Variants in CDC42EP4 observed in about 807,000 individuals in gnomAD.
CDC42EP4 encodes CDC42 effector protein 4.
In CDC42EP4, 6 loss-of-function variants were observed where a neutral mutation model predicts 5.6. The observed-to-expected ratio is 1.07, with a 90% CI of 0.59 to 2.12. The LOEUF (loss-of-function observed/expected upper bound fraction) is 2.12, where lower values mean the gene tolerates loss of function less well. Ranked by LOEUF, CDC42EP4 falls within the 30% of genes most tolerant of loss-of-function variation. CDC42EP4 has a pLI of 0.00. For missense variants in CDC42EP4, 490 were observed against 508.6 expected (o/e 0.96, Z 0.35); for synonymous variants, 230 against 224.2 (o/e 1.03, Z -0.23).
chr17:73,286,365 C>T lies in CDC42EP4; in HGVS notation c.136G>A (p.Ala46Thr), dbSNP rs758557269. The change falls in exon 2 of 2, where the codon GCC (alanine) becomes ACC (threonine). Residue 46 changes from alanine (A) to threonine (T), a missense_variant. Ala to Thr is a moderately conservative substitution (Grantham distance 58, BLOSUM62 0). Transcript: ENST00000335793. The surrounding 1 kb of genome is among the most constrained non-coding windows in gnomAD (Gnocchi z 7.7). ...TTGAGGAAGGAGGTGTCCCCAAAGG[C>T]GTCTCCGGCCCGGCCAACGTGCATG... ...HTMHVGRAGD[A>T]FGDTSFLNSK... 2.2e-5 allele frequency: 35 copies of T among 1,613,998 alleles called. No homozygotes were observed. Among genetic ancestry groups the T allele is most frequent in the East Asian group, 2.2e-5 (1 of 44,894 alleles).
rs766095705 is a variant in CDC42EP4, at chr17:73,285,433, C to T, written c.1068G>A (p.Val356=). 1 of 1,546,930 alleles carries T rather than the reference C, an allele frequency of 6.5e-7. No homozygotes were observed. The change falls in exon 2 of 2, where the codon GTG becomes GTA. Residue 356 remains valine (V), a synonymous_variant. Coordinates refer to ENST00000335793, the MANE Select transcript of CDC42EP4 (RefSeq NM_012121.5). This position sits in a 1 kb window ranked among gnomAD's most constrained non-coding sequence, Gnocchi z 6.8. ...CGGTGGCCACCCACTGTCCGCCTCA[C>T]ACACGGATTTCATCCTCCTCCTCCT... ...MDEEEEDEIR[V]
In CDC42EP4 at chr17:73,285,972, G is replaced by A. The variant is rs922062899; in HGVS notation, c.529C>T (p.Pro177Ser). The change falls in exon 2 of 2, where the codon CCC becomes TCC. Residue 177 changes from proline to serine, a missense_variant. By Grantham distance (74) the Pro-to-Ser change is moderately conservative (BLOSUM62 -1). Transcript: ENST00000335793. The surrounding 1 kb of genome is among the most constrained non-coding windows in gnomAD (Gnocchi z 6.8). ...NGAAGPHSPD[P>S]LLDEQAFGDL... ...CCAAAGGCCTGCTCATCGAGGAGGG[G>A]GTCAGGGGAATGTGGACCCGCGGCC... is the stretch of plus-strand genomic sequence containing the variant. The A allele has an allele frequency of 3.1e-6, 5 of 1,613,514 alleles. No homozygotes were observed. Among genetic ancestry groups the A allele is most frequent in the Non-Finnish European group, 4.2e-6 (5 of 1,179,922 alleles).
In CDC42EP4 at chr17:73,297,309, A is replaced by AAC. The variant is rs1297708487; in HGVS notation, c.-112-10699_-112-10698dup. ...GACTTCGTCTCCAAAAAAAAAAAAA[A>AAC]ACACACACACACAAATTAGCCAGGT... On this transcript the variant is annotated intron_variant, in intron 1 of 1. Coordinates refer to ENST00000335793, the MANE Select transcript of CDC42EP4 (RefSeq NM_012121.5). 7.1e-4 allele frequency among the ~76,000 whole-genome samples: 105 copies of AAC among 148,798 alleles called. No homozygotes were observed. In the Middle Eastern group the frequency reaches 0.014, roughly 20 times the overall value.
intron 1 of CDC42EP4, among the ~76,000 whole-genome samples, chr17:73,297,062 G>A (rs1389688235): frequency 2.7e-5 from 4 of 150,276 alleles, no homozygotes; most frequent in African/African-American, 9.8e-5. Flanking sequence ...GGGAGGCCGA[G>A]GTGGGCAGAT....
intron 1 of CDC42EP4, among the ~76,000 whole-genome samples, chr17:73,290,552 C>T (rs2062156458): frequency 6.6e-6 from 1 of 152,206 alleles, no homozygotes; most frequent in Non-Finnish European, 1.5e-5. Flanking sequence ...AGCATCCACC[C>T]CCCAGTCACA....
At chr17:73,299,328 G>A (rs979557572) in intron 1 of CDC42EP4, among the ~76,000 whole-genome samples, 15 of 151,614 alleles carry the variant, frequency 9.9e-5, no homozygotes, top group African/African-American at 3.6e-4. Flanking sequence ...TACTCGGGAG[G>A]TTGAGGCAGG....
In CDC42EP4 at chr17:73,289,521, C is replaced by T. The variant is rs374235454; in HGVS notation, c.-112-2909G>A. Among the ~76,000 whole-genome samples, 163 of 151,844 alleles carry T rather than the reference C, an allele frequency of 1.1e-3. No homozygotes were observed. In the South Asian group the frequency reaches 0.015, roughly 14 times the overall value. On this transcript the variant is annotated intron_variant, in intron 1 of 1. Coordinates refer to ENST00000335793, the MANE Select transcript of CDC42EP4 (RefSeq NM_012121.5). The stretch of plus-strand genomic sequence containing the variant: ...CCCACGCATCCTCATGCAGCTCTTC[C>T]GTTTGGCTGTTCCTGAGTCGTATCT...
intron 1 of CDC42EP4, among the ~76,000 whole-genome samples, chr17:73,308,801 G>A (rs944279932): frequency 1.4e-4 from 21 of 152,062 alleles, no homozygotes; most frequent in Admixed American, 5.9e-4. Flanking sequence ...TGGGGAGGCC[G>A]AGGTGGGTGG....
chr17:73,298,787 CTCAT>C (rs1434415983), intron 1 of CDC42EP4, among the ~76,000 whole-genome samples: 3 of 152,214 alleles, frequency 2.0e-5, no homozygotes, highest in Admixed American at 6.5e-5. Context: ...TTCAACAGTT[CTCAT>C]TCACTGGGCT....
chr17:73,311,755 C>G (rs2062276355), intron 1 of CDC42EP4, 138 bp downstream of exon 1: 3 of 152,340 alleles, frequency 2.0e-5, no homozygotes, highest in Admixed American at 2.0e-4. Context: ...GCTCCGCGCC[C>G]TTCTCCCCGC....
At chr17:73,301,337 C>T (rs1035083234) in intron 1 of CDC42EP4, among the ~76,000 whole-genome samples, 7 of 152,222 alleles carry the variant, frequency 4.6e-5, no homozygotes, top group Admixed American at 4.6e-4. Flanking sequence ...CCTTATTACA[C>T]AAGCAGCATG....
rs376872573 is a variant in CDC42EP4, at chr17:73,292,536, T to C, written c.-112-5924A>G. 4.3e-4 allele frequency among the ~76,000 whole-genome samples: 66 copies of C among 152,184 alleles called. No individual in the cohort carries two copies. In the East Asian group the frequency reaches 9.5e-3, roughly 22 times the overall value. On this transcript the variant is annotated intron_variant, in intron 1 of 1. Coordinates refer to ENST00000335793, the MANE Select transcript of CDC42EP4 (RefSeq NM_012121.5). Reference sequence around the variant, plus strand: ...GGTGGGGAATGGAGGTGTAAACCTATAAATAAAATAAATGGTATCTCATAT... The same window carrying C: ...GGTGGGGAATGGAGGTGTAAACCTACAAATAAAATAAATGGTATCTCATAT...
chr17:73,304,277 C>CTTTT (rs3064764), intron 1 of CDC42EP4, among the ~76,000 whole-genome samples: 73 of 135,950 alleles, frequency 5.4e-4, no homozygotes, highest in South Asian at 1.6e-3. Context: ...TCTTCTTCTT[C>CTTTT]TTTTTTTTTT....
At chr17:73,300,138 G>A (rs374879485) in intron 1 of CDC42EP4, among the ~76,000 whole-genome samples, 10 of 152,122 alleles carry the variant, frequency 6.6e-5, no homozygotes, top group Admixed American at 2.0e-4. Flanking sequence ...CACTGCCCGC[G>A]TGCCAATCCA....
At chr17:73,305,376 C>T (rs1263854933) in intron 1 of CDC42EP4, among the ~76,000 whole-genome samples, 5 of 152,272 alleles carry the variant, frequency 3.3e-5, no homozygotes, top group South Asian at 4.1e-4. Context: ...CCCTCCTGCT[C>T]GGGAGTGATC....
At position 73,290,064 on chromosome 17, in the gene CDC42EP4, G is replaced by A. The variant is rs577297841; in HGVS notation, c.-112-3452C>T. 9.2e-5 allele frequency among the ~76,000 whole-genome samples: 14 copies of A among 152,274 alleles called. No homozygotes were observed. In the South Asian group the frequency reaches 2.9e-3, roughly 32 times the overall value. Reference sequence around the variant, plus strand: ...CAGGGACACCAGTCAGGAACGGAGGGGACCCCATCTTCCACCTGCCTGCAC... The same window carrying A: ...CAGGGACACCAGTCAGGAACGGAGGAGACCCCATCTTCCACCTGCCTGCAC... On this transcript the variant is annotated intron_variant, in intron 1 of 1. Transcript: ENST00000335793.
In CDC42EP4 at chr17:73,285,521, C is replaced by T. The variant is rs1256333996; in HGVS notation, c.980G>A (p.Gly327Glu). 1.9e-6 allele frequency: 3 copies of T among 1,610,324 alleles called. No homozygotes were observed. Among genetic ancestry groups the T allele is most frequent in the Admixed American group, 3.3e-5 (2 of 59,946 alleles). The change falls in exon 2 of 2, where the codon GGG becomes GAG. Residue 327 changes from glycine to glutamate, a missense_variant. Coordinates refer to ENST00000335793, the MANE Select transcript of CDC42EP4 (RefSeq NM_012121.5). The surrounding 1 kb of genome is among the most constrained non-coding windows in gnomAD (Gnocchi z 6.8). The stretch of plus-strand genomic sequence containing the variant: ...GACAGCAGCCCGGGCCCTGTCCGGC[C>T]CCCGGAAGGCAGGGCTGCGCTCCTC... Reference protein sequence around the residue: ...ILEERSPAFRGPDRARAAVSR... With the variant: ...ILEERSPAFREPDRARAAVSR...
chr17:73,300,763 TAGGC>T (rs1161236252), intron 1 of CDC42EP4, among the ~76,000 whole-genome samples: 6 of 152,016 alleles, frequency 3.9e-5, no homozygotes, highest in South Asian at 2.1e-4. Flanking sequence ...AAATAAAAAA[TAGGC>T]AGGGCGCGGT....
chr17:73,292,226 A>G (rs1451319709), intron 1 of CDC42EP4, among the ~76,000 whole-genome samples: 6 of 152,224 alleles, frequency 3.9e-5, no homozygotes, highest in Non-Finnish European at 8.8e-5. Context: ...GCTGGGCAGC[A>G]TGCCCTCTGC....
Sources: gnomAD v4.1 joint callset for allele counts (sites outside exome capture counted in the v4.1 genomes callset) on GRCh38, gnomAD v4.1.1 for gene constraint, Gnocchi (gnomAD v3.1) non-coding constraint, MANE v1.5 for transcripts, NCBI Gene and HGNC (gene_info 2026-07-23, HGNC 2026-07-21) for gene names.